FARSA: variants seen among roughly 807,000 people sequenced by gnomAD.
FARSA encodes the protein phenylalanine--tRNA ligase alpha subunit.
Under a neutral mutation model 63.2 loss-of-function variants are expected in FARSA, and 37 were observed. The ratio of observed to expected loss-of-function variants is 0.59; its 90% CI spans 0.45 to 0.77. FARSA has a LOEUF of 0.77. Ranked by LOEUF, FARSA falls within the 30% of genes least tolerant of loss-of-function variation. The pLI is 0.00. For synonymous variants in FARSA, 312 were observed against 285.1 expected, an observed-to-expected ratio of 1.09 and a Z score of -0.95; for missense variants, 618 against 696.6, an observed-to-expected ratio of 0.89 and a Z score of 1.27.
rs1372472556 is a variant in FARSA, at chr19:12,922,713, C to T, written c.*35G>A. The T allele has an allele frequency of 6.2e-7, 1 of 1,610,462 alleles. No individual in the cohort carries two copies. The highest frequency in any genetic ancestry group is 8.5e-7 in the Non-Finnish European group (1 of 1,179,616). On this transcript the variant is annotated 3_prime_UTR_variant, in exon 13 of 13. Coordinates refer to ENST00000314606, the MANE Select transcript of FARSA (RefSeq NM_004461.3). ...ATGCAAAGGAGCGCAGCAGCAGGGA[C>T]TCGGGGAGGATGACCTGTCCTAGAG...
chr19:12,928,888 TC>T, intron 4 of FARSA, 41 bp from the exon 5 acceptor site: 1 of 1,574,928 alleles, frequency 6.3e-7, no homozygotes, highest in Non-Finnish European at 8.7e-7. Flanking sequence ...TGCCATCTCC[TC>T]CTAGAGGACT....
Position 12,930,333 on chromosome 19 carries a change from G to A in FARSA, c.393C>T (p.Ser131=). The A allele has an allele frequency of 6.2e-7, 1 of 1,614,064 alleles. No individual in the cohort carries two copies. Among genetic ancestry groups the A allele is most frequent in the Non-Finnish European group, 8.5e-7 (1 of 1,179,990 alleles). The change falls in exon 4 of 13, where the codon AGC becomes AGT. Residue 131 remains serine (S), a synonymous_variant. Coordinates refer to ENST00000314606, the MANE Select transcript of FARSA (RefSeq NM_004461.3). The part of the protein sequence containing the change: ...DGPRVFRVVD[S]MEDEVQRRLQ... ...GCCGCCGCTGCACCTCATCCTCCAT[G>A]CTGTCCACCTGCCAGGATAAGGAGT...
intron 7 of FARSA, among the ~76,000 whole-genome samples, chr19:12,925,487 A>T (rs1350783433): frequency 6.6e-6 from 1 of 151,666 alleles, no homozygotes; most frequent in Non-Finnish European, 1.5e-5. Flanking sequence ...CCTCCCAAGT[A>T]GCTGGGATTA....
chr19:12,924,994 A>T lies in FARSA; in HGVS notation c.936T>A (p.Tyr312Ter). 1 of 1,614,154 alleles carries T rather than the reference A, an allele frequency of 6.2e-7. No homozygotes were observed. The highest frequency in any genetic ancestry group is 1.1e-5 in the South Asian group (1 of 91,092). ...QGGYGSQGYK[Y>*]NWKLDEARKN... ...TCCGGGCCTCGTCCAGCTTCCAGTT[A>T]TACTTGTACCTTCAGGAGGGAAGGT... The change falls in exon 9 of 13, where the codon TAT becomes TAA. Residue 312 changes from tyrosine to a stop codon, truncating the protein, a stop_gained. Transcript: ENST00000314606. LOFTEE classifies it high-confidence loss of function. The surrounding 1 kb of genome is among the most constrained non-coding windows in gnomAD (Gnocchi z 6.4).
At chr19:12,925,422 A>G (rs948262956) in intron 7 of FARSA, among the ~76,000 whole-genome samples, 4 of 151,984 alleles carry the variant, frequency 2.6e-5, no homozygotes, top group Non-Finnish European at 5.9e-5. Context: ...CAATGGCTCA[A>G]TCTTGGCTCA....
Position 12,928,657 on chromosome 19 carries a change from A to G in FARSA, c.603T>C (p.Ser201=). ...AGGGCTTGAAGGGCCGGTCCCGCCAAGAGCCACTGGGGGAGGATGCAAGGG... is the reference window on the plus strand; with the variant it reads ...AGGGCTTGAAGGGCCGGTCCCGCCAGGAGCCACTGGGGGAGGATGCAAGGG... The part of the protein sequence containing the change: ...ELSPEMISSG[S]WRDRPFKPYN... Residue 201 remains serine, a synonymous_variant, in exon 6 of 13, where the codon TCT becomes TCC. Transcript: ENST00000314606. 1 of 1,612,662 alleles carries G rather than the reference A, an allele frequency of 6.2e-7. No homozygotes were observed. Among genetic ancestry groups the G allele is most frequent in the Non-Finnish European group, 8.5e-7 (1 of 1,179,306 alleles).
At chr19:12,926,896 G>A (rs73925236) in intron 7 of FARSA, among the ~76,000 whole-genome samples, 6,423 of 152,292 alleles carry the variant, frequency 0.042, 172 homozygotes, top group African/African-American at 0.072. Context: ...TAGTTGGCAG[G>A]AAGATTAGAA....
At chr19:12,927,687 G>C (rs1367499176) in intron 7 of FARSA, among the ~76,000 whole-genome samples, 1 of 129,304 alleles carries the variant, frequency 7.7e-6, no homozygotes, top group African/African-American at 3.0e-5. Flanking sequence ...AGCTGAGATC[G>C]TGCCACTGCA....
rs1385691060 is a variant in FARSA at position 12,930,348 on chromosome 19, G to C, written c.385-7C>G. Reference sequence around the variant, plus strand: ...CATCCTCCATGCTGTCCACCTGCCAGGATAAGGAGTGTGAGGGGTATGAGG... The same window carrying C: ...CATCCTCCATGCTGTCCACCTGCCACGATAAGGAGTGTGAGGGGTATGAGG... On this transcript the variant is annotated splice_polypyrimidine_tract_variant and splice_region_variant and intron_variant, in intron 3 of 12. Coordinates refer to ENST00000314606, the MANE Select transcript of FARSA (RefSeq NM_004461.3). 4.3e-6 allele frequency: 7 copies of C among 1,614,000 alleles called. No individual in the cohort carries two copies. In the South Asian group the frequency reaches 7.7e-5, roughly 18 times the overall value.
Position 12,922,551 on chromosome 19 carries a change from CACACCACACAGG to C in FARSA, c.*185_*196del. The C allele has an allele frequency of 3.1e-6, 2 of 653,266 alleles. No individual in the cohort carries two copies. Among genetic ancestry groups the C allele is most frequent in the Non-Finnish European group, 5.2e-6 (2 of 387,690 alleles). 40.5% of individuals were successfully genotyped at this position (653,266 alleles called of 1,614,324 possible). A position where few individuals can be genotyped will look rare whatever the true frequency, so the allele number is the denominator to read the frequency against. On this transcript the variant is annotated 3_prime_UTR_variant, in exon 13 of 13. Transcript: ENST00000314606. ...CCTCAGGGCCCACCCTCACAGTAGA[CACACCACACAGG>C]ACAACAGAAGGAACCTGCTACCCAG...
In FARSA at chr19:12,924,767, A is replaced by G. The variant is rs1202993888; in HGVS notation, c.1067T>C (p.Val356Ala). The G allele has an allele frequency of 6.2e-7, 1 of 1,603,036 alleles. No homozygotes were observed. The highest frequency in any genetic ancestry group is 8.5e-7 in the Non-Finnish European group (1 of 1,172,348). The change falls in exon 10 of 13, where the codon GTA (valine) becomes GCA (alanine). Residue 356 changes from valine to alanine, a missense_variant. Val to Ala is a moderately conservative substitution (Grantham distance 64, BLOSUM62 0). Transcript: ENST00000314606. The surrounding 1 kb of genome is among the most constrained non-coding windows in gnomAD (Gnocchi z 6.4). The part of the protein sequence containing the change: ...TPVKYFSIDR[V>A]FRNETLDATH... ...GGCGTCCAGGGTCTCATTCCGGAATACGCGGTCGATGGAGAAGTACTTGAC... is the reference window on the plus strand; with the variant it reads ...GGCGTCCAGGGTCTCATTCCGGAATGCGCGGTCGATGGAGAAGTACTTGAC...
intron 1 of FARSA, chr19:12,933,312 T>A: frequency 2.0e-6 from 1 of 496,722 alleles, no homozygotes; most frequent in South Asian, 2.8e-5. Context: ...GACTTCCTCG[T>A]CCATCATCGT....
chr19:12,926,286 T>C (rs1971326064), intron 7 of FARSA, among the ~76,000 whole-genome samples: 1 of 142,946 alleles, frequency 7.0e-6, no homozygotes, highest in African/African-American at 2.6e-5. Flanking sequence ...ATTTTTTTTT[T>C]TTTTAGACGG....
At position 12,928,474 on chromosome 19, in the gene FARSA, C is replaced by T. The variant is rs1055858730; in HGVS notation, c.726-17G>A. 1 of 1,613,806 alleles carries T rather than the reference C, an allele frequency of 6.2e-7. No homozygotes were observed. The highest frequency in any genetic ancestry group is 8.5e-7 in the Non-Finnish European group (1 of 1,179,854). On this transcript the variant is annotated splice_polypyrimidine_tract_variant and intron_variant, in intron 6 of 12. Transcript: ENST00000314606. The stretch of plus-strand genomic sequence containing the variant: ...TCGGTGAACCTGGTGGGAGACACAG[C>T]CTGACTGCCCTGCCTGTACCCAGCA...
At position 12,924,775 on chromosome 19, in the gene FARSA, G is replaced by A. The variant is rs765847659; in HGVS notation, c.1059C>T (p.Ile353=). The A allele has an allele frequency of 1.1e-5, 18 of 1,603,328 alleles. No individual in the cohort carries two copies. The South Asian group carries it at 1.4e-4, about 13-fold the overall frequency. Residue 353 remains isoleucine, a synonymous_variant, in exon 10 of 13, where the codon ATC becomes ATT. Transcript: ENST00000314606. This position sits in a 1 kb window ranked among gnomAD's most constrained non-coding sequence, Gnocchi z 6.4. The stretch of plus-strand genomic sequence containing the variant: ...GGGTCTCATTCCGGAATACGCGGTC[G>A]ATGGAGAAGTACTTGACCGGAGTGA... ...KPFTPVKYFS[I]DRVFRNETLD... is the part of the protein sequence containing the mutation.
chr19:12,922,944 G>C (rs1476713373), intron 12 of FARSA, 58 bp from the exon 13 acceptor site: 3 of 1,608,692 alleles, frequency 1.9e-6, no homozygotes, highest in South Asian at 2.2e-5. Flanking sequence ...CTTCTGCTCA[G>C]ATTTCCATGG....
At position 12,928,459 on chromosome 19, in the gene FARSA, T is replaced by C; in HGVS notation, c.726-2A>G. The C allele has an allele frequency of 1.9e-6, 3 of 1,613,954 alleles. No homozygotes were observed. Among genetic ancestry groups the C allele is most frequent in the Non-Finnish European group, 2.5e-6 (3 of 1,179,946 alleles). On this transcript the variant is annotated splice_acceptor_variant, in intron 6 of 12. Transcript: ENST00000314606. LOFTEE classifies it high-confidence loss of function. ...TTATCAGTCGGCATCTCGGTGAACC[T>C]GGTGGGAGACACAGCCTGACTGCCC...
At chr19:12,929,911 G>C (rs1037561146) in intron 4 of FARSA, among the ~76,000 whole-genome samples, 1 of 152,178 alleles carries the variant, frequency 6.6e-6, no homozygotes, top group Admixed American at 6.5e-5. Flanking sequence ...CAAAGATGAA[G>C]ACTAGGGGCG....
chr19:12,923,511 G>A lies in FARSA; in HGVS notation c.1389-625C>T, dbSNP rs183207352. Among the ~76,000 whole-genome samples, 40 of 152,190 alleles carry A rather than the reference G, an allele frequency of 2.6e-4. 3 individuals are homozygous for A. The East Asian group carries it at 6.2e-3, about 24-fold the overall frequency. ...GAGACGGGAGACAGAGTCACACTCT[G>A]TTGTCTAGACTAGAATAGAGTGCAG... On this transcript the variant is annotated intron_variant, in intron 12 of 12. Transcript: ENST00000314606.
Sources: allele counts gnomAD v4.1 joint callset (sites outside exome capture counted in the v4.1 genomes callset), GRCh38; gene constraint gnomAD v4.1.1; non-coding constraint Gnocchi (gnomAD v3.1); transcripts MANE v1.5; gene names NCBI Gene and HGNC (gene_info 2026-07-23, HGNC 2026-07-21).